Variants in GMDS observed in about 807,000 individuals in gnomAD.
GMDS encodes the protein GDP-mannose 4,6-dehydratase.
A neutral mutation model predicts 49.9 loss-of-function variants in GMDS; 20 were observed. That is an observed-to-expected ratio of 0.40 (90% CI 0.28 to 0.58). The LOEUF (loss-of-function observed/expected upper bound fraction) is 0.58, where lower values mean the gene tolerates loss of function less well. GMDS is among the 20% of genes least tolerant of loss of function. GMDS has a pLI of 0.42. For missense variants in GMDS, 362 were observed against 481.4 expected, an observed-to-expected ratio of 0.75 and a Z score of 2.32; for synonymous variants, 177 against 178.6, an observed-to-expected ratio of 0.99 and a Z score of 0.07.
chr6:2,119,112 A>G (rs1051186020), intron 2 of GMDS, among the ~76,000 whole-genome samples: 8 of 152,190 alleles, frequency 5.3e-5, no homozygotes, highest in Non-Finnish European at 7.3e-5. Flanking sequence ...GAGTAATTTA[A>G]GTTTGACAAT....
rs191570110 is a variant in GMDS, at chr6:1,863,296, A to G, written c.771+66807T>C. Among the ~76,000 whole-genome samples the G allele has an allele frequency of 1.5e-3, 229 of 152,312 alleles. 1 individual carries two copies. The highest frequency in any genetic ancestry group is 3.5e-3 in the Admixed American group (54 of 15,290). Reference sequence around the variant, plus strand: ...ATAGGAAAAATTCTCGCAAGTAAAAAAGAAAATGTTTTTACGATTTCACTT... The same window carrying G: ...ATAGGAAAAATTCTCGCAAGTAAAAGAGAAAATGTTTTTACGATTTCACTT... On this transcript the variant is annotated intron_variant, in intron 7 of 10. Coordinates refer to ENST00000380815, the MANE Select transcript of GMDS (RefSeq NM_001500.4).
chr6:2,047,508 C>T (rs916823093), intron 4 of GMDS, among the ~76,000 whole-genome samples: 7 of 152,040 alleles, frequency 4.6e-5, no homozygotes, highest in African/African-American at 9.6e-5. Flanking sequence ...TTTTTTGAGA[C>T]GGAGTTTCGC....
intron 4 of GMDS, among the ~76,000 whole-genome samples, chr6:2,102,614 G>A (rs1039271100): frequency 6.6e-6 from 1 of 152,142 alleles, no homozygotes; most frequent in African/African-American, 2.4e-5. Flanking sequence ...TCTAATGCCT[G>A]CCAAAGAGGG....
At chr6:2,040,188 C>A (rs970955743) in intron 4 of GMDS, among the ~76,000 whole-genome samples, 4 of 152,314 alleles carry the variant, frequency 2.6e-5, no homozygotes, top group Admixed American at 1.3e-4. Flanking sequence ...ACCCTTGTAC[C>A]TCTCTACAAA....
intron 1 of GMDS, among the ~76,000 whole-genome samples, chr6:2,206,534 G>A (rs562557604): frequency 1.3e-5 from 2 of 152,316 alleles, no homozygotes; most frequent in South Asian, 4.1e-4. Context: ...CAGAGTCCAA[G>A]TGGTTATTTT....
chr6:2,022,474 C>G lies in GMDS; in HGVS notation c.346-61508G>C, dbSNP rs145981278. Among the ~76,000 whole-genome samples, 614 of 152,144 alleles carry G rather than the reference C, an allele frequency of 4.0e-3. 8 individuals are homozygous for G. Among genetic ancestry groups the G allele is most frequent in the African/African-American group, 0.014 (582 of 41,494 alleles). On this transcript the variant is annotated intron_variant, in intron 4 of 10. Coordinates refer to ENST00000380815, the MANE Select transcript of GMDS (RefSeq NM_001500.4). ...TGATGCTACAAAATATTTAAAATAA[C>G]ACGAATTCAATGATTTTTAAAATTC...
At chr6:1,632,622 A>C (rs1239365017) in intron 9 of GMDS, among the ~76,000 whole-genome samples, 4 of 152,216 alleles carry the variant, frequency 2.6e-5, no homozygotes, top group African/African-American at 9.6e-5. Flanking sequence ...CATGCCTGTA[A>C]TCCCAGTGCT....
chr6:1,709,908 T>C lies in GMDS; in HGVS notation c.987+16508A>G, dbSNP rs146438248. Among the ~76,000 whole-genome samples the C allele has an allele frequency of 7.7e-3, 1,180 of 152,316 alleles. 8 individuals are homozygous for C. Among genetic ancestry groups the C allele is most frequent in the Non-Finnish European group, 0.012 (816 of 68,028 alleles). ...TGCCTAACTCGACTGAGGCAGGGTA[T>C]CTATGGAGGAAGAGTTTTTGCTTCA... On this transcript the variant is annotated intron_variant, in intron 9 of 10. Transcript: ENST00000380815.
At chr6:1,628,395 T>C (rs544965895) in intron 9 of GMDS, among the ~76,000 whole-genome samples, 1 of 152,360 alleles carries the variant, frequency 6.6e-6, no homozygotes. Flanking sequence ...ATTTTGATCC[T>C]TCTTTAACAC....
At chr6:1,904,769 T>C (rs550961838) in intron 7 of GMDS, among the ~76,000 whole-genome samples, 1 of 152,258 alleles carries the variant, frequency 6.6e-6, no homozygotes, top group African/African-American at 2.4e-5. Context: ...GCCTCGCACA[T>C]AGCCAGGAGC....
intron 1 of GMDS, among the ~76,000 whole-genome samples, chr6:2,215,053 T>G (rs938462606): frequency 2.0e-5 from 3 of 152,200 alleles, no homozygotes; most frequent in East Asian, 1.9e-4. Flanking sequence ...AGACTGAATC[T>G]GATTAAGTCT....
intron 7 of GMDS, among the ~76,000 whole-genome samples, chr6:1,841,671 C>G (rs561593127): frequency 1.1e-4 from 17 of 152,122 alleles, no homozygotes; most frequent in Non-Finnish European, 2.1e-4. Flanking sequence ...TGTAGTGTCA[C>G]TGCTATAGAA....
At chr6:2,224,719 AAG>A (rs1342781594) in intron 1 of GMDS, among the ~76,000 whole-genome samples, 1 of 152,230 alleles carries the variant, frequency 6.6e-6, no homozygotes, top group Non-Finnish European at 1.5e-5. Flanking sequence ...ACATGCAAAT[AAG>A]AGTTAGTTGT....
intron 1 of GMDS, among the ~76,000 whole-genome samples, chr6:2,174,789 G>A (rs234926): frequency 0.041 from 6,193 of 152,050 alleles, 251 homozygotes; most frequent in South Asian, 0.13. Flanking sequence ...GGCTGATCTC[G>A]AACTCCTGAC....
intron 7 of GMDS, among the ~76,000 whole-genome samples, chr6:1,885,083 T>C (rs745894199): frequency 3.3e-5 from 5 of 152,224 alleles, no homozygotes; most frequent in Admixed American, 6.5e-5. Context: ...TAAAAGGATG[T>C]TTTAAGTAAT....
rs1361871510 is a variant in GMDS, at chr6:1,836,350, A to AT, written c.771+93752dup. ...CCAAATGAAATGCTCACAGATCGGC[A>AT]TATGTATGTTACCACGTCACCATCA... On this transcript the variant is annotated intron_variant, in intron 7 of 10. Transcript: ENST00000380815. The surrounding 1 kb of genome is among the most constrained non-coding windows in gnomAD (Gnocchi z 4.2). 6.6e-6 allele frequency among the ~76,000 whole-genome samples: 1 copy of AT among 152,226 alleles called. No homozygotes were observed. Among genetic ancestry groups the AT allele is most frequent in the African/African-American group, 2.4e-5 (1 of 41,454 alleles).
At chr6:1,745,530 G>A (rs898959762) in intron 7 of GMDS, among the ~76,000 whole-genome samples, 3 of 152,104 alleles carry the variant, frequency 2.0e-5, no homozygotes, top group Non-Finnish European at 4.4e-5. Context: ...ACACCGGCCC[G>A]GGTCCCCTGG....
At chr6:2,145,043 C>T (rs1210185978) in intron 1 of GMDS, among the ~76,000 whole-genome samples, 1 of 152,194 alleles carries the variant, frequency 6.6e-6, no homozygotes, top group Non-Finnish European at 1.5e-5. Context: ...TCTCTGGGGC[C>T]AGGGTCCTGG....
At chr6:1,848,233 A>C (rs9503031) in intron 7 of GMDS, among the ~76,000 whole-genome samples, 17,565 of 152,114 alleles carry the variant, frequency 0.12, 1,426 homozygotes, top group African/African-American at 0.23. Flanking sequence ...TACCGCTTGT[A>C]GAGTCACAGT....
Sources: gnomAD v4.1 joint callset for allele counts (sites outside exome capture counted in the v4.1 genomes callset) on GRCh38, gnomAD v4.1.1 for gene constraint, Gnocchi (gnomAD v3.1) non-coding constraint, MANE v1.5 for transcripts, NCBI Gene and HGNC (gene_info 2026-07-23, HGNC 2026-07-21) for gene names.